The following DCTD variants were observed in gnomAD, a reference collection of about 807,000 sequenced individuals.
DCTD encodes dCMP deaminase.
Under a neutral mutation model 21.0 loss-of-function variants are expected in DCTD, and 23 were observed. The ratio of observed to expected loss-of-function variants is 1.09; its 90% CI spans 0.79 to 1.55. The LOEUF is 1.55. Ranked by LOEUF, DCTD falls within the 40% of genes most tolerant of loss-of-function variation. The pLI is 0.00. For synonymous variants in DCTD, 71 were observed against 81.1 expected, an observed-to-expected ratio of 0.88 and a Z score of 0.67; for missense variants, 224 against 230.0, an observed-to-expected ratio of 0.97 and a Z score of 0.17.
chr4:182,902,882 A>C (rs1735997719), intron 3 of DCTD, among the ~76,000 whole-genome samples: 1 of 152,194 alleles, frequency 6.6e-6, no homozygotes, highest in Non-Finnish European at 1.5e-5. Context: ...AAAATCCAGA[A>C]AACGAGGGTT....
At chr4:182,911,856 T>C (rs970580261) in intron 3 of DCTD, among the ~76,000 whole-genome samples, 1 of 152,226 alleles carries the variant, frequency 6.6e-6, no homozygotes, top group South Asian at 2.1e-4. Context: ...GTTTTTGTCA[T>C]TGTGGAGTTT....
intron 3 of DCTD, among the ~76,000 whole-genome samples, chr4:182,897,063 C>T (rs1734857106): frequency 6.6e-6 from 1 of 152,190 alleles, no homozygotes; most frequent in African/African-American, 2.4e-5. Flanking sequence ...CTGTCACGCT[C>T]ACTGCCATGA....
At chr4:182,915,426 G>T in intron 2 of DCTD, 35 bp downstream of exon 2, 1 of 1,328,622 alleles carries the variant, frequency 7.5e-7, no homozygotes, top group Non-Finnish European at 1.1e-6. Context: ...CTTTGCCTGT[G>T]AGTATCTAAG....
intron 3 of DCTD, among the ~76,000 whole-genome samples, chr4:182,909,198 T>C (rs1737256136): frequency 6.6e-6 from 1 of 152,202 alleles, no homozygotes; most frequent in South Asian, 2.1e-4. Flanking sequence ...TATTAAAATA[T>C]CATTATTTAT....
At chr4:182,904,688 C>T (rs144376521) in intron 3 of DCTD, among the ~76,000 whole-genome samples, 10 of 152,264 alleles carry the variant, frequency 6.6e-5, no homozygotes, top group African/African-American at 1.9e-4. Flanking sequence ...TTCTCCCACC[C>T]CACACAATCA....
Position 182,893,133 on chromosome 4 carries a change from A to G in DCTD, c.362-6T>C. On this transcript the variant is annotated splice_polypyrimidine_tract_variant and splice_region_variant and intron_variant, in intron 4 of 5. Coordinates refer to ENST00000438320, the MANE Select transcript of DCTD (RefSeq NM_001921.3). Reference sequence around the variant, plus strand: ...GAAAATCACTTCTTTTATACCTGTAAGGTAACAATGGGAGCTCCCTTAGTG... The same window carrying G: ...GAAAATCACTTCTTTTATACCTGTAGGGTAACAATGGGAGCTCCCTTAGTG... 1 of 1,560,650 alleles carries G rather than the reference A, an allele frequency of 6.4e-7. No homozygotes were observed.
chr4:182,893,156 G>A (rs774094576), intron 4 of DCTD, 29 bp from the exon 5 acceptor site: 26 of 1,333,450 alleles, frequency 1.9e-5, no homozygotes, highest in Non-Finnish European at 2.8e-5. Flanking sequence ...AGCTCCCTTA[G>A]TGTACGCACC....
chr4:182,904,792 T>C (rs141026483), intron 3 of DCTD, among the ~76,000 whole-genome samples: 211 of 152,238 alleles, frequency 1.4e-3, no homozygotes, highest in Non-Finnish European at 2.5e-3. Context: ...CTGATCACAC[T>C]CTGCCTTTCG....
chr4:182,896,401 G>A (rs922744260), intron 3 of DCTD, among the ~76,000 whole-genome samples: 1 of 152,198 alleles, frequency 6.6e-6, no homozygotes, highest in Non-Finnish European at 1.5e-5. Flanking sequence ...CCATGTTTTA[G>A]GAGATCTCAG....
chr4:182,914,901 T>A (rs1226996221), intron 3 of DCTD, 22 bp downstream of exon 3: 2 of 1,614,082 alleles, frequency 1.2e-6, no homozygotes, highest in Non-Finnish European at 1.7e-6. Flanking sequence ...CTAAGCAGAA[T>A]GGGACATAAA....
At chr4:182,896,097 G>A (rs551469702) in intron 3 of DCTD, among the ~76,000 whole-genome samples, 40 of 152,270 alleles carry the variant, frequency 2.6e-4, no homozygotes, top group African/African-American at 8.7e-4. Context: ...CCTTCTACAC[G>A]TAACACTTCC....
At chr4:182,891,546 A>T in intron 5 of DCTD, 69 bp from the exon 6 acceptor site, 2 of 1,114,542 alleles carry the variant, frequency 1.8e-6, no homozygotes, top group Non-Finnish European at 2.7e-6. Context: ...CTTTGGCTTA[A>T]CTCATATTTT....
intron 3 of DCTD, among the ~76,000 whole-genome samples, chr4:182,895,789 G>A (rs940204860): frequency 5.3e-5 from 8 of 152,144 alleles, no homozygotes; most frequent in African/African-American, 1.4e-4. Flanking sequence ...ACCCTTAGGC[G>A]CTTCCAAAAT....
intron 1 of DCTD, chr4:182,915,874 C>T: frequency 8.7e-7 from 1 of 1,144,256 alleles, no homozygotes; most frequent in Middle Eastern, 4.0e-4. Flanking sequence ...ATTGTTGTGT[C>T]CTTTACCTGT....
intron 2 of DCTD, 146 bp downstream of exon 2, chr4:182,915,315 C>T (rs968737020): frequency 2.1e-5 from 15 of 709,262 alleles, no homozygotes; most frequent in South Asian, 7.0e-5. Context: ...ACAGGAAGAA[C>T]TAAGCTTGTA....
At chr4:182,905,012 T>C (rs1385724957) in intron 3 of DCTD, among the ~76,000 whole-genome samples, 2 of 152,112 alleles carry the variant, frequency 1.3e-5, no homozygotes, top group Non-Finnish European at 2.9e-5. Flanking sequence ...CAAAACCAGA[T>C]TCTCCTATCC....
intron 3 of DCTD, among the ~76,000 whole-genome samples, 175 bp downstream of exon 3, chr4:182,914,748 G>A (rs1469171551): frequency 2.0e-5 from 3 of 152,204 alleles, no homozygotes; most frequent in Non-Finnish European, 1.5e-5. Context: ...GCTTCTCTCC[G>A]TGGCTCTCTT....
chr4:182,913,982 G>C (rs200938783), intron 3 of DCTD, among the ~76,000 whole-genome samples: 7,617 of 140,964 alleles, frequency 0.054, 280 homozygotes, highest in South Asian at 0.11. Context: ...TCTTTTCTTT[G>C]TTTTTGTTTT....
rs933690201 is a variant in DCTD at position 182,891,157 on chromosome 4, A to G, written c.*242T>C. The G allele has an allele frequency of 4.5e-6, 2 of 443,070 alleles. No individual in the cohort carries two copies. Among genetic ancestry groups the G allele is most frequent in the African/African-American group, 2.0e-5 (1 of 50,814 alleles). 27.4% of individuals were successfully genotyped at this position (443,070 alleles called of 1,614,324 possible). ...CAAGAAGGGGAGGCACTCTCGTTCTAGCCCTGTGCACCAGGCCACCACAGG... is the reference window on the plus strand; with the variant it reads ...CAAGAAGGGGAGGCACTCTCGTTCTGGCCCTGTGCACCAGGCCACCACAGG... On this transcript the variant is annotated 3_prime_UTR_variant, in exon 6 of 6. Coordinates refer to ENST00000438320, the MANE Select transcript of DCTD (RefSeq NM_001921.3).
Sources: allele counts gnomAD v4.1 joint callset (sites outside exome capture counted in the v4.1 genomes callset), GRCh38; gene constraint gnomAD v4.1.1; transcripts MANE v1.5; gene names NCBI Gene and HGNC (gene_info 2026-07-23, HGNC 2026-07-21).